Variants in ABR observed in about 807,000 individuals in gnomAD.
The protein encoded by ABR is active breakpoint cluster region-related protein.
Under a neutral mutation model 107.2 loss-of-function variants are expected in ABR, and 35 were observed. That is an observed-to-expected ratio of 0.33 (90% confidence interval 0.25 to 0.43). The LOEUF (loss-of-function observed/expected upper bound fraction) is 0.43, where lower values mean the gene tolerates loss of function less well. Ranked by LOEUF, ABR falls within the 20% of genes least tolerant of loss-of-function variation. ABR has a pLI of 1.00. For missense variants in ABR, 815 were observed against 1,115.2 expected (o/e 0.73, Z 3.83); for synonymous variants, 498 against 462.0 (o/e 1.08, Z -1.00).
At chr17:1,075,144 G>A (rs1041125915) in intron 6 of ABR, among the ~76,000 whole-genome samples, 1 of 152,200 alleles carries the variant, frequency 6.6e-6, no homozygotes, top group Non-Finnish European at 1.5e-5. Context: ...GATTCAGCAG[G>A]GACAGGTGGA....
chr17:1,166,071 T>C (rs1013569547), intron 1 of ABR, among the ~76,000 whole-genome samples: 4 of 141,340 alleles, frequency 2.8e-5, no homozygotes, highest in Non-Finnish European at 6.1e-5. Context: ...GCCCCCGGAG[T>C]GTCCGCACCC....
intron 1 of ABR, among the ~76,000 whole-genome samples, chr17:1,168,235 C>T (rs1206202763): frequency 6.6e-6 from 1 of 152,124 alleles, no homozygotes; most frequent in East Asian, 1.9e-4. Context: ...GCAGTGAGCA[C>T]TGCAGAGGTT....
Position 1,084,332 on chromosome 17 carries a change from G to GT in ABR, c.532-706dup, listed in dbSNP as rs1450756493. ...GTGGAGGCTGCAGTGAACCAAGATC[G>GT]TGTCACTGCACTCCAGCCTGGGTGA... On this transcript the variant is annotated intron_variant, in intron 4 of 22. Coordinates refer to ENST00000302538, the MANE Select transcript of ABR (RefSeq NM_021962.5). The surrounding 1 kb of genome is among the most constrained non-coding windows in gnomAD (Gnocchi z 4.2). Among the ~76,000 whole-genome samples the GT allele has an allele frequency of 6.6e-6, 1 of 152,232 alleles. No individual in the cohort carries two copies. The highest frequency in any genetic ancestry group is 2.4e-5 in the African/African-American group (1 of 41,466).
chr17:1,097,708 G>A (rs1478957599), intron 3 of ABR, among the ~76,000 whole-genome samples: 1 of 152,006 alleles, frequency 6.6e-6, no homozygotes, highest in Non-Finnish European at 1.5e-5. Context: ...AGGCACGATA[G>A]CTCATTCACC....
At chr17:1,136,680 T>C (rs1405564606) in intron 1 of ABR, among the ~76,000 whole-genome samples, 2 of 152,170 alleles carry the variant, frequency 1.3e-5, no homozygotes, top group African/African-American at 4.8e-5. Flanking sequence ...CATGAACAAA[T>C]CTCTGCCAGC....
At chr17:1,228,701 A>G (rs2043269441) in intron 1 of ABR, 1 of 149,468 alleles carries the variant, frequency 6.7e-6, no homozygotes, top group African/African-American at 2.4e-5. Context: ...TCGAGGTTAA[A>G]CAGGGCCGCG....
At chr17:1,028,297 C>T (rs1042531772) in intron 16 of ABR, among the ~76,000 whole-genome samples, 7 of 150,422 alleles carry the variant, frequency 4.7e-5, no homozygotes, top group African/African-American at 1.7e-4. Context: ...CGGGGTTTCA[C>T]CATGTTGGCC....
chr17:1,184,659 A>T (rs2150668228), upstream of ABR, among the ~76,000 whole-genome samples: 2 of 103,144 alleles, frequency 1.9e-5, no homozygotes, highest in South Asian at 7.2e-4. Context: ...GCTAACAGTT[A>T]TTGAGTGCTT....
upstream of ABR, among the ~76,000 whole-genome samples, chr17:1,191,643 C>T (rs1436195938): frequency 6.6e-6 from 1 of 152,016 alleles, no homozygotes; most frequent in Admixed American, 6.6e-5. Flanking sequence ...GGCGTGAGCA[C>T]CTGGCCTGTT....
chr17:1,080,644 G>A (rs2036158071), intron 5 of ABR, among the ~76,000 whole-genome samples: 1 of 151,978 alleles, frequency 6.6e-6, no homozygotes, highest in Admixed American at 6.6e-5. Flanking sequence ...GATGCCACCT[G>A]CTTGGTCTGC....
rs1252585718 is a variant in ABR, at chr17:1,027,136, A to G, written c.1792-13972T>C. Among the ~76,000 whole-genome samples, 1 of 152,192 alleles carries G rather than the reference A, an allele frequency of 6.6e-6. No homozygotes were observed. The highest frequency in any genetic ancestry group is 2.4e-5 in the African/African-American group (1 of 41,452). ...CTCATTGCCTCTGGGTACTACAGCA[A>G]CACTGGGCTCAGGCAGCTTTGGCCT... On this transcript the variant is annotated intron_variant, in intron 16 of 22. Coordinates refer to ENST00000302538, the MANE Select transcript of ABR (RefSeq NM_021962.5). This position sits in a 1 kb window ranked among gnomAD's most constrained non-coding sequence, Gnocchi z 4.7.
At chr17:1,164,424 G>T (rs898987619) in intron 1 of ABR, among the ~76,000 whole-genome samples, 3 of 139,064 alleles carry the variant, frequency 2.2e-5, no homozygotes, top group African/African-American at 5.4e-5. Flanking sequence ...ACTGCAAGAC[G>T]CCCAGTGAAC....
chr17:1,182,631 G>A (rs2042172024), upstream of ABR, among the ~76,000 whole-genome samples: 1 of 152,186 alleles, frequency 6.6e-6, no homozygotes, highest in African/African-American at 2.4e-5. Context: ...CTCCCAAAGT[G>A]CTGGGATTAC....
At chr17:1,224,302 A>C (rs2043175733) in intron 1 of ABR, among the ~76,000 whole-genome samples, 1 of 152,178 alleles carries the variant, frequency 6.6e-6, no homozygotes, top group Admixed American at 6.6e-5. Context: ...GCGAATTGGC[A>C]GACTAACTTA....
chr17:1,155,694 A>C (rs1043297273), intron 1 of ABR, among the ~76,000 whole-genome samples: 2 of 152,182 alleles, frequency 1.3e-5, no homozygotes, highest in African/African-American at 4.8e-5. Context: ...GGCCGGCCGC[A>C]GTGGCTCACA....
rs764899857 is a variant in ABR at position 1,011,837 on chromosome 17, C to A, written c.2101+9G>T. 16 of 1,565,906 alleles carry A rather than the reference C, an allele frequency of 1.0e-5. No individual in the cohort carries two copies. The East Asian group carries it at 3.6e-4, about 35-fold the overall frequency. Reference sequence around the variant, plus strand: ...CCACACCTGCCCCGGCTGGGCCTCCCAGACTCACTGGCATCGAAGACGGCC... The same window carrying A: ...CCACACCTGCCCCGGCTGGGCCTCCAAGACTCACTGGCATCGAAGACGGCC... On this transcript the variant is annotated intron_variant, in intron 19 of 22. Coordinates refer to ENST00000302538, the MANE Select transcript of ABR (RefSeq NM_021962.5). This position sits in a 1 kb window ranked among gnomAD's most constrained non-coding sequence, Gnocchi z 4.8.
At chr17:1,229,190 C>T (rs1214848818) in exon 1 of ABR, among the ~76,000 whole-genome samples, 1 of 151,548 alleles carries the variant, frequency 6.6e-6, no homozygotes, top group African/African-American at 2.4e-5. Flanking sequence ...TGCCGGGAGC[C>T]GCCTGGGGGT....
At chr17:1,153,296 A>T (rs1453364329) in intron 1 of ABR, among the ~76,000 whole-genome samples, 1 of 152,142 alleles carries the variant, frequency 6.6e-6, no homozygotes, top group Non-Finnish European at 1.5e-5. Context: ...TCCCTCAGTC[A>T]TACCCCCCAG....
At chr17:1,227,398 AT>A (rs1598159715) in intron 1 of ABR, among the ~76,000 whole-genome samples, 1 of 152,236 alleles carries the variant, frequency 6.6e-6, no homozygotes, top group East Asian at 1.9e-4. Context: ...CTAGGGTGAA[AT>A]CTTCAGGCTC....
Sources: gnomAD v4.1 joint callset for allele counts (sites outside exome capture counted in the v4.1 genomes callset) on GRCh38, gnomAD v4.1.1 for gene constraint, Gnocchi (gnomAD v3.1) non-coding constraint, MANE v1.5 for transcripts, NCBI Gene and HGNC (gene_info 2026-07-23, HGNC 2026-07-21) for gene names.